The following GDA variants were observed in gnomAD, a reference collection of about 807,000 sequenced individuals.
GDA encodes cytoplasmic PSD-95 interactor.
Under a neutral mutation model 59.6 loss-of-function variants are expected in GDA, and 18 were observed. That is an observed-to-expected ratio of 0.30 (90% confidence interval 0.21 to 0.45). GDA has a LOEUF of 0.45. GDA is among the 20% of genes least tolerant of loss of function. The pLI is 1.00. For missense variants in GDA, 427 were observed against 552.3 expected, an observed-to-expected ratio of 0.77 and a Z score of 2.27; for synonymous variants, 201 against 201.1, an observed-to-expected ratio of 1.00 and a Z score of 0.00.
chr9:72,227,275 G>A (rs1426890876), intron 8 of GDA, among the ~76,000 whole-genome samples: 2 of 140,906 alleles, frequency 1.4e-5, no homozygotes, highest in Admixed American at 7.1e-5. Flanking sequence ...AATTTAGAGA[G>A]GTCTCATGTG....
intron 1 of GDA, among the ~76,000 whole-genome samples, chr9:72,140,848 CTG>C (rs1779287508): frequency 6.6e-6 from 1 of 152,134 alleles, no homozygotes; most frequent in African/African-American, 2.4e-5. Context: ...GAAGCAAAGT[CTG>C]TAAATAAAAG....
In GDA at chr9:72,249,561, C is replaced by A; in HGVS notation, c.*1219C>A. 1.7e-6 allele frequency: 1 copy of A among 601,444 alleles called. No homozygotes were observed. The highest frequency in any genetic ancestry group is 2.1e-6 in the Non-Finnish European group (1 of 479,808). The allele number at this position is 601,444 out of a possible 1,614,324, so 37.3% of individuals were successfully genotyped here. On this transcript the variant is annotated 3_prime_UTR_variant, in exon 14 of 14. Coordinates refer to ENST00000358399, the MANE Select transcript of GDA (RefSeq NM_004293.5). ...ATAGGACTTAATTCTTACTAGACAT[C>A]TAGGAACATTACAAAGCAAAGACTA...
intron 10 of GDA, among the ~76,000 whole-genome samples, chr9:72,235,703 A>C (rs764904859): frequency 2.1e-4 from 32 of 151,820 alleles, no homozygotes; most frequent in Non-Finnish European, 4.1e-4. Flanking sequence ...AAAAAAAAAA[A>C]TTCCTTGTCT....
chr9:72,223,555 A>G (rs1251129105), intron 7 of GDA, among the ~76,000 whole-genome samples: 2 of 152,174 alleles, frequency 1.3e-5, no homozygotes, highest in African/African-American at 4.8e-5. Context: ...CATTTAATGC[A>G]TTTATTTCCT....
downstream of GDA, among the ~76,000 whole-genome samples, chr9:72,256,822 G>A (rs959517227): frequency 1.1e-4 from 16 of 152,156 alleles, no homozygotes; most frequent in African/African-American, 3.6e-4. Context: ...GTATGGTCAG[G>A]CAGTGGGTGT....
chr9:72,175,189 T>C (rs1830407847), intron 1 of GDA, among the ~76,000 whole-genome samples: 1 of 152,096 alleles, frequency 6.6e-6, no homozygotes, highest in Non-Finnish European at 1.5e-5. Flanking sequence ...TTTTCTGAGA[T>C]AGGGTCTCAC....
chr9:72,171,425 T>C (rs1829960643), intron 1 of GDA, among the ~76,000 whole-genome samples: 1 of 152,234 alleles, frequency 6.6e-6, no homozygotes, highest in African/African-American at 2.4e-5. Flanking sequence ...AATCTGGACT[T>C]TGTAGCTTCT....
At chr9:72,200,329 TCTC>T (rs1165444727) in intron 2 of GDA, among the ~76,000 whole-genome samples, 1 of 151,664 alleles carries the variant, frequency 6.6e-6, no homozygotes, top group South Asian at 2.1e-4. Context: ...TCTTCTCCCT[TCTC>T]CTTCTTCTTC....
chr9:72,130,776 G>T (rs576412576), intron 1 of GDA, among the ~76,000 whole-genome samples: 2 of 152,280 alleles, frequency 1.3e-5, no homozygotes, highest in South Asian at 4.1e-4. Context: ...GCTGAGTTGT[G>T]AAGGGTAAGT....
chr9:72,201,451 TGTA>T (rs1833998736), intron 2 of GDA, among the ~76,000 whole-genome samples: 1 of 152,202 alleles, frequency 6.6e-6, no homozygotes, highest in African/African-American at 2.4e-5. Flanking sequence ...GAGGCTTTCT[TGTA>T]GTCAGACAAG....
intron 3 of GDA, among the ~76,000 whole-genome samples, chr9:72,210,471 G>A (rs1358042235): frequency 6.6e-6 from 1 of 152,076 alleles, no homozygotes; most frequent in East Asian, 1.9e-4. Flanking sequence ...AGAACTGTGT[G>A]AATCGAGAAA....
At chr9:72,118,146 C>A (rs966687341) in intron 1 of GDA, among the ~76,000 whole-genome samples, 2 of 151,620 alleles carry the variant, frequency 1.3e-5, no homozygotes. Flanking sequence ...GTGGCAGGCG[C>A]CTGTAGTCCC....
chr9:72,134,392 T>C (rs1225370726), intron 1 of GDA, among the ~76,000 whole-genome samples: 1 of 117,372 alleles, frequency 8.5e-6, no homozygotes, highest in African/African-American at 2.6e-5. Context: ...CAGGAAGGCC[T>C]CCCCCGCCAA....
chr9:72,231,271 T>TA (rs34627726), intron 10 of GDA, 90 bp downstream of exon 10: 151,012 of 620,628 alleles, frequency 0.24, 6,492 homozygotes, highest in Admixed American at 0.35. Flanking sequence ...CTGTTCTGTT[T>TA]AAAAAAAAAA....
chr9:72,150,468 C>G (rs1827068367), intron 1 of GDA, among the ~76,000 whole-genome samples: 1 of 152,146 alleles, frequency 6.6e-6, no homozygotes, highest in Non-Finnish European at 1.5e-5. Context: ...ACAAATGACA[C>G]AGGTAACTTG....
intron 7 of GDA, 57 bp from the exon 8 acceptor site, chr9:72,225,620 G>A: frequency 2.4e-6 from 2 of 829,290 alleles, no homozygotes; most frequent in South Asian, 3.4e-5. Context: ...GGTAGGAAGT[G>A]TAATTTCTAA....
At chr9:72,245,004 G>A (rs1365793277) in intron 11 of GDA, 144 bp from the exon 12 acceptor site, 17 of 716,674 alleles carry the variant, frequency 2.4e-5, no homozygotes, top group Non-Finnish European at 3.5e-5. Flanking sequence ...GTTAGAATGA[G>A]AGTGATTTTC....
intron 2 of GDA, among the ~76,000 whole-genome samples, chr9:72,202,271 C>T (rs1219700228): frequency 2.0e-5 from 3 of 152,266 alleles, no homozygotes; most frequent in Non-Finnish European, 2.9e-5. Context: ...TCAGAGTTCC[C>T]GTCCTTTCTT....
At chr9:72,146,442 C>T (rs1278499108), upstream of GDA, among the ~76,000 whole-genome samples, 1 of 152,006 alleles carries the variant, frequency 6.6e-6, no homozygotes, top group East Asian at 1.9e-4. Flanking sequence ...GAATATTTCC[C>T]TGGGGATACC....
Sources: allele counts gnomAD v4.1 joint callset (sites outside exome capture counted in the v4.1 genomes callset), GRCh38; gene constraint gnomAD v4.1.1; transcripts MANE v1.5; gene names NCBI Gene and HGNC (gene_info 2026-07-23, HGNC 2026-07-21).